APOBEC3D: variants seen among roughly 807,000 people sequenced by gnomAD.
APOBEC3D encodes the protein DNA dC->dU-editing enzyme APOBEC-3D.
In APOBEC3D, 37 loss-of-function variants were observed where a neutral mutation model predicts 45.6. That is an observed-to-expected ratio of 0.81 (90% CI 0.62 to 1.07). The LOEUF (loss-of-function observed/expected upper bound fraction) is 1.07, where lower values mean the gene tolerates loss of function less well. Ranked by LOEUF, APOBEC3D falls within the 50% of genes least tolerant of loss-of-function variation. The pLI is 0.00. For synonymous variants in APOBEC3D, 175 were observed against 180.7 expected, an observed-to-expected ratio of 0.97 and a Z score of 0.25; for missense variants, 496 against 495.3, an observed-to-expected ratio of 1.00 and a Z score of -0.01.
intron 4 of APOBEC3D, among the ~76,000 whole-genome samples, chr22:39,027,867 C>T (rs1202286626): frequency 6.6e-6 from 1 of 152,218 alleles, no homozygotes; most frequent in Non-Finnish European, 1.5e-5. Flanking sequence ...GCCCATGCCC[C>T]CTGCTGAGAT....
rs142602921 is a variant in APOBEC3D at position 39,025,710 on chromosome 22, C to T, written c.605+39C>T. The T allele has an allele frequency of 4.0e-4, 645 of 1,612,958 alleles. 2 individuals are homozygous for T. In the African/African-American group the frequency reaches 7.2e-3, roughly 18 times the overall value. On this transcript the variant is annotated intron_variant, in intron 4 of 6. Transcript: ENST00000216099. ...TCTGGCCTCATCGTCTCTCTCCTCT[C>T]GCCTCCTGCTCATCCTCCTGAGGAC...
At chr22:39,026,117 G>A (rs1234504792) in intron 4 of APOBEC3D, among the ~76,000 whole-genome samples, 12 of 152,212 alleles carry the variant, frequency 7.9e-5, no homozygotes, top group Non-Finnish European at 8.8e-5. Flanking sequence ...TCAGGCTTCC[G>A]CGGCCATAGA....
chr22:39,021,626 A>C (rs1925118917), intron 1 of APOBEC3D, 90 bp downstream of exon 1: 3 of 1,572,724 alleles, frequency 1.9e-6, no homozygotes, highest in Non-Finnish European at 8.7e-7. Flanking sequence ...CCCCTGCCCC[A>C]GCCCCAGCCC....
Position 39,031,770 on chromosome 22 carries a change from C to T in APOBEC3D, c.839C>T (p.Thr280Ile). 6.2e-7 allele frequency: 1 copy of T among 1,613,932 alleles called. No individual in the cohort carries two copies. Among genetic ancestry groups the T allele is most frequent in the Non-Finnish European group, 8.5e-7 (1 of 1,179,886 alleles). Residue 280 changes from threonine (T) to isoleucine (I), a missense_variant, in exon 6 of 7, where the codon ACA becomes ATA. Physicochemically the swap from Thr to Ile is moderately conservative, Grantham distance 89. Transcript: ENST00000216099. ...TGTGACGACATACTGTCTCCTAACA[C>T]AAACTACGAGGTCACCTGGTACACA... ...WFCDDILSPN[T>I]NYEVTWYTSW...
At position 39,025,544 on chromosome 22, in the gene APOBEC3D, CTCT is replaced by C. The variant is rs773322348; in HGVS notation, c.491-10_491-8del. ...AGGGGAGAGCCTGAGTGCTTCCCAC[CTCT>C]TCATCTCAGACTTTGCATACTGCTG... is the stretch of plus-strand genomic sequence containing the variant. On this transcript the variant is annotated splice_polypyrimidine_tract_variant and intron_variant, in intron 3 of 6. Transcript: ENST00000216099. 1 of 1,614,148 alleles carries C rather than the reference CTCT, an allele frequency of 6.2e-7. No homozygotes were observed. Among genetic ancestry groups the C allele is most frequent in the Non-Finnish European group, 8.5e-7 (1 of 1,180,008 alleles).
Position 39,025,148 on chromosome 22 carries a change from C to T in APOBEC3D, c.289C>T (p.Arg97Cys), listed in dbSNP as rs75858538. 1.6e-3 allele frequency: 2,650 copies of T among 1,613,766 alleles called. 45 individuals carry two copies. In the African/African-American group the frequency reaches 0.032, roughly 19 times the overall value. The change falls in exon 3 of 7, where the codon CGC (arginine) becomes TGC (cysteine). Residue 97 changes from arginine (R) to cysteine (C), a missense_variant. Coordinates refer to ENST00000216099, the MANE Select transcript of APOBEC3D (RefSeq NM_152426.4). ...FCGNRLPANR[R>C]FQITWFVSWN... ...TGGCAACCGACTGCCTGCTAACAGGCGCTTCCAGATCACCTGGTTTGTATC... is the reference window on the plus strand; with the variant it reads ...TGGCAACCGACTGCCTGCTAACAGGTGCTTCCAGATCACCTGGTTTGTATC...
At chr22:39,027,745 G>T (rs958050938) in intron 4 of APOBEC3D, among the ~76,000 whole-genome samples, 6 of 152,090 alleles carry the variant, frequency 3.9e-5, no homozygotes, top group African/African-American at 9.7e-5. Flanking sequence ...CCAGCCCTGG[G>T]CTCCCTCCCC....
At chr22:39,024,180 A>G (rs537360927) in intron 2 of APOBEC3D, among the ~76,000 whole-genome samples, 3 of 152,370 alleles carry the variant, frequency 2.0e-5, no homozygotes, top group South Asian at 2.1e-4. Context: ...TTCGCGAGAT[A>G]GTGAAGTTTC....
At chr22:39,029,300 T>C (rs538236336) in intron 4 of APOBEC3D, 63 bp from the exon 5 acceptor site, 1 of 1,585,082 alleles carries the variant, frequency 6.3e-7, no homozygotes, top group African/African-American at 1.3e-5. Context: ...TCCAGGGAGT[T>C]GTGTTCAGTG....
At chr22:39,028,711 G>A (rs1297800156) in intron 4 of APOBEC3D, among the ~76,000 whole-genome samples, 1 of 152,170 alleles carries the variant, frequency 6.6e-6, no homozygotes, top group Non-Finnish European at 1.5e-5. Context: ...CGAGGTGGGT[G>A]GATCACAAGG....
chr22:39,029,627 T>C, intron 5 of APOBEC3D, 108 bp downstream of exon 5: 1 of 1,241,536 alleles, frequency 8.1e-7, no homozygotes. Context: ...TGTACTTTCC[T>C]CTTACATTTC....
rs1160071240 is a variant in APOBEC3D at position 39,031,860 on chromosome 22, T to A, written c.929T>A (p.Val310Glu). Residue 310 changes from valine (V) to glutamate (E), a missense_variant, in exon 6 of 7, where the codon GTG (valine) becomes GAG (glutamate). Transcript: ENST00000216099. ...VAEFLARHSNVNLTIFTARLC... is the reference protein window; with the variant it reads ...VAEFLARHSNENLTIFTARLC... ...GAGTTCCTGGCCAGGCACAGCAACG[T>A]GAATCTCACCATCTTCACCGCCCGC... is the stretch of plus-strand genomic sequence containing the variant. The A allele has an allele frequency of 1.2e-6, 2 of 1,613,976 alleles. No homozygotes were observed. Among genetic ancestry groups the A allele is most frequent in the Admixed American group, 3.3e-5 (2 of 60,000 alleles).
At chr22:39,025,408 G>A in intron 3 of APOBEC3D, 59 bp downstream of exon 3, 7 of 1,612,646 alleles carry the variant, frequency 4.3e-6, no homozygotes, top group Non-Finnish European at 5.9e-6. Context: ...GAGATGGATG[G>A]ATCTGCAATG....
Position 39,031,739 on chromosome 22 carries a change from T to A in APOBEC3D, c.808T>A (p.Trp270Arg), listed in dbSNP as rs374974389. The A allele has an allele frequency of 6.2e-7, 1 of 1,613,308 alleles. No individual in the cohort carries two copies. The highest frequency in any genetic ancestry group is 2.2e-5 in the East Asian group (1 of 44,870). The change falls in exon 6 of 7, where the codon TGG becomes AGG. Residue 270 changes from tryptophan to arginine, a missense_variant. Physicochemically the swap from Trp to Arg is moderately radical, Grantham distance 101. Coordinates refer to ENST00000216099, the MANE Select transcript of APOBEC3D (RefSeq NM_152426.4). ...TCATGCAGAAAGGTGCTTCCTCTCTTGGTTCTGTGACGACATACTGTCTCC... is the reference window on the plus strand; with the variant it reads ...TCATGCAGAAAGGTGCTTCCTCTCTAGGTTCTGTGACGACATACTGTCTCC... ...HCHAERCFLS[W>R]FCDDILSPNT...
chr22:39,031,829 G>C lies in APOBEC3D; in HGVS notation c.898G>C (p.Val300Leu), dbSNP rs762344787. 6.2e-7 allele frequency: 1 copy of C among 1,613,998 alleles called. No homozygotes were observed. Among genetic ancestry groups the C allele is most frequent in the East Asian group, 2.2e-5 (1 of 44,886 alleles). The change falls in exon 6 of 7, where the codon GTG becomes CTG. Residue 300 changes from valine (V) to leucine (L), a missense_variant. Transcript: ENST00000216099. ...WSPCPECAGE[V>L]AEFLARHSNV... is the part of the protein sequence containing the mutation. ...CCCTTGCCCAGAGTGTGCAGGGGAG[G>C]TGGCCGAGTTCCTGGCCAGGCACAG...
intron 5 of APOBEC3D, among the ~76,000 whole-genome samples, chr22:39,029,972 T>C (rs1382453507): frequency 6.6e-6 from 1 of 151,916 alleles, no homozygotes; most frequent in Non-Finnish European, 1.5e-5. Flanking sequence ...TGGGATCAGA[T>C]TGTCGAGGGG....
intron 4 of APOBEC3D, among the ~76,000 whole-genome samples, chr22:39,027,201 G>A (rs565700403): frequency 6.6e-6 from 1 of 152,310 alleles, no homozygotes; most frequent in South Asian, 2.1e-4. Flanking sequence ...AGGGACAAGA[G>A]CTCAGCCTGC....
intron 5 of APOBEC3D, 67 bp downstream of exon 5, chr22:39,029,586 A>C: frequency 1.3e-6 from 2 of 1,575,306 alleles, no homozygotes; most frequent in Non-Finnish European, 1.7e-6. Flanking sequence ...AAAACACAAT[A>C]CGTGACGTGC....
In APOBEC3D at chr22:39,025,055, C is replaced by A; in HGVS notation, c.211-15C>A. The A allele has an allele frequency of 6.4e-7, 1 of 1,560,940 alleles. No individual in the cohort carries two copies. Among genetic ancestry groups the A allele is most frequent in the Non-Finnish European group, 8.7e-7 (1 of 1,150,726 alleles). On this transcript the variant is annotated splice_polypyrimidine_tract_variant and intron_variant, in intron 2 of 6. Transcript: ENST00000216099. ...CCCCGTCCCAGAGCTTCCCCTGCCC[C>A]TGCTCCTCTCCCAGGTGTATTTCCG...
Sources: allele counts gnomAD v4.1 joint callset (sites outside exome capture counted in the v4.1 genomes callset), GRCh38; gene constraint gnomAD v4.1.1; transcripts MANE v1.5; gene names NCBI Gene and HGNC (gene_info 2026-07-23, HGNC 2026-07-21).